SPATA13: variants seen among roughly 807,000 people sequenced by gnomAD.
SPATA13 encodes the protein spermatogenesis-associated protein 13.
A neutral mutation model predicts 104.0 loss-of-function variants in SPATA13; 50 were observed. That is an observed-to-expected ratio of 0.48 (90% confidence interval 0.38 to 0.61). The LOEUF (loss-of-function observed/expected upper bound fraction) is 0.61, where lower values mean the gene tolerates loss of function less well. Among genes scored for constraint, SPATA13 ranks in the 20% least tolerant of loss-of-function variants. SPATA13 has a pLI of 0.00. For synonymous variants in SPATA13, 606 were observed against 667.5 expected (o/e 0.91, Z 1.42); for missense variants, 1,524 against 1,690.6 (o/e 0.90, Z 1.73).
intron 3 of SPATA13, among the ~76,000 whole-genome samples, chr13:24,045,573 T>C (rs1423531576): frequency 3.3e-5 from 5 of 152,224 alleles, no homozygotes; most frequent in Non-Finnish European, 5.9e-5. Flanking sequence ...AAATTTAGTA[T>C]GTAAAATGAC....
At chr13:24,280,233 C>T (rs1273950991) in intron 4 of SPATA13, among the ~76,000 whole-genome samples, 7 of 152,150 alleles carry the variant, frequency 4.6e-5, no homozygotes, top group East Asian at 3.9e-4. Flanking sequence ...ATTTCCAGTC[C>T]GTGTCTCTGT....
intron 3 of SPATA13, among the ~76,000 whole-genome samples, chr13:24,044,135 C>T (rs976886401): frequency 2.0e-5 from 3 of 152,118 alleles, no homozygotes; most frequent in Admixed American, 2.0e-4. Flanking sequence ...CTGCCTGAGC[C>T]TGGCCCGGGG....
chr13:24,121,646 G>T (rs1278630137), intron 3 of SPATA13, among the ~76,000 whole-genome samples: 1 of 152,134 alleles, frequency 6.6e-6, no homozygotes, highest in Admixed American at 6.5e-5. Context: ...ATGCTCATAG[G>T]TGTAAAAATT....
chr13:24,246,669 C>A (rs988729308), intron 2 of SPATA13, among the ~76,000 whole-genome samples: 2 of 152,052 alleles, frequency 1.3e-5, no homozygotes, highest in Non-Finnish European at 2.9e-5. Flanking sequence ...ACCATTCTGG[C>A]CAACATGGTG....
chr13:24,282,261 G>A (rs1015626276), intron 4 of SPATA13, among the ~76,000 whole-genome samples: 3 of 152,174 alleles, frequency 2.0e-5, no homozygotes, highest in African/African-American at 7.2e-5. Flanking sequence ...ATGCAGGTTA[G>A]ATTGATCCGA....
At chr13:24,235,873 C>T (rs1341604323) in intron 2 of SPATA13, among the ~76,000 whole-genome samples, 1 of 152,216 alleles carries the variant, frequency 6.6e-6, no homozygotes, top group Non-Finnish European at 1.5e-5. Context: ...AAAAAAGTAA[C>T]TGTTTCTTGA....
At chr13:24,257,853 T>A (rs1417217042) in intron 4 of SPATA13, among the ~76,000 whole-genome samples, 1 of 152,168 alleles carries the variant, frequency 6.6e-6, no homozygotes, top group Non-Finnish European at 1.5e-5. Context: ...AATAACATCT[T>A]GATCTGTGAA....
chr13:24,101,422 T>C (rs1007612658), intron 3 of SPATA13, among the ~76,000 whole-genome samples: 4 of 152,210 alleles, frequency 2.6e-5, no homozygotes, highest in African/African-American at 9.6e-5. Context: ...CCAGCTTGGA[T>C]ACTTTTTTCT....
At chr13:24,162,818 C>T in intron 1 of SPATA13, among the ~76,000 whole-genome samples, 1 of 152,150 alleles carries the variant, frequency 6.6e-6, no homozygotes, top group African/African-American at 2.4e-5. Context: ...CAGTGGAGGC[C>T]CTCTTCTCAC....
At chr13:23,995,004 C>T (rs1875610981) in intron 2 of SPATA13, among the ~76,000 whole-genome samples, 1 of 152,108 alleles carries the variant, frequency 6.6e-6, no homozygotes, top group South Asian at 2.1e-4. Flanking sequence ...TTTTGAGTGT[C>T]GTGACTGTGT....
At chr13:24,251,664 G>A in intron 3 of SPATA13, 54 bp from the exon 4 acceptor site, 2 of 1,601,868 alleles carry the variant, frequency 1.2e-6, no homozygotes, top group East Asian at 2.2e-5. Flanking sequence ...TGAGGTGCTT[G>A]CAAGAGCTGC....
At chr13:24,232,345 A>G (rs1226437432) in intron 2 of SPATA13, among the ~76,000 whole-genome samples, 1 of 147,540 alleles carries the variant, frequency 6.8e-6, no homozygotes, top group Non-Finnish European at 1.5e-5. Context: ...GCCTGCCCAC[A>G]TCCTTGAGGG....
At chr13:23,996,238 G>A (rs1043831804) in intron 2 of SPATA13, among the ~76,000 whole-genome samples, 4 of 151,994 alleles carry the variant, frequency 2.6e-5, no homozygotes, top group Non-Finnish European at 5.9e-5. Flanking sequence ...ATGAGGGAGA[G>A]TCCGCCGCCT....
intron 2 of SPATA13, among the ~76,000 whole-genome samples, chr13:24,240,824 C>T (rs370713769): frequency 1.6e-4 from 24 of 152,324 alleles, no homozygotes; most frequent in East Asian, 9.6e-4. Flanking sequence ...TTATCATCCA[C>T]GTAACACATT....
chr13:24,302,459 CAAAAAAAAAAAAAAAAAAAAA>C, intron 12 of SPATA13, 118 bp from the exon 13 acceptor site: 1 of 192,762 alleles, frequency 5.2e-6, no homozygotes, highest in Non-Finnish European at 9.2e-6. Context: ...GACCCTGTCT[CAAAAAAAAAAAAAAAAAAAAA>C]AAAAAAAAAG....
intron 3 of SPATA13, among the ~76,000 whole-genome samples, chr13:24,039,998 A>G (rs984946569): frequency 2.0e-5 from 3 of 152,198 alleles, no homozygotes; most frequent in Admixed American, 2.0e-4. Context: ...AGAAGCAAGG[A>G]AGACTGAAGC....
chr13:24,121,734 A>T (rs1192258730), intron 3 of SPATA13, among the ~76,000 whole-genome samples: 2 of 152,174 alleles, frequency 1.3e-5, no homozygotes, highest in Admixed American at 1.3e-4. Flanking sequence ...TTTCCTCAGA[A>T]AAAGAAAAGC....
At chr13:24,124,556 A>C (rs111916470) in intron 3 of SPATA13, among the ~76,000 whole-genome samples, 3 of 152,222 alleles carry the variant, frequency 2.0e-5, no homozygotes, top group African/African-American at 7.2e-5. Context: ...TGAGAATGGC[A>C]GTCCTGGAGG....
intron 3 of SPATA13, among the ~76,000 whole-genome samples, chr13:24,085,602 G>A (rs770137790): frequency 1.3e-5 from 2 of 152,176 alleles, no homozygotes; most frequent in African/African-American, 4.8e-5. Flanking sequence ...CTGCCACCAC[G>A]TGCCTTCTCT....
Sources: allele counts gnomAD v4.1 joint callset (sites outside exome capture counted in the v4.1 genomes callset), GRCh38; gene constraint gnomAD v4.1.1; transcripts MANE v1.5; gene names NCBI Gene and HGNC (gene_info 2026-07-23, HGNC 2026-07-21).